The following ST13 variants were observed in gnomAD, a reference collection of about 807,000 sequenced individuals.
ST13 encodes ST13 Hsp70 interacting protein.
ST13 carries 23 observed loss-of-function variants against 56.7 expected under a neutral mutation model. The observed-to-expected ratio is 0.41, with a 90% CI of 0.29 to 0.57. ST13 has a LOEUF of 0.57. Ranked by LOEUF, ST13 falls within the 20% of genes least tolerant of loss-of-function variation. The pLI is 0.36. For synonymous variants in ST13, 132 were observed against 142.4 expected (o/e 0.93, Z 0.52); for missense variants, 369 against 459.9 (o/e 0.80, Z 1.81).
rs138205853 is a variant in ST13 at position 40,842,429 on chromosome 22, G to A, written c.316-1737C>T. On this transcript the variant is annotated intron_variant, in intron 4 of 11. Transcript: ENST00000216218. Reference sequence around the variant, plus strand: ...TTTAATAAAAGTAAATTCTGAAAATGAGTAAAGAGCAAAAGACTTACAAAT... The same window carrying A: ...TTTAATAAAAGTAAATTCTGAAAATAAGTAAAGAGCAAAAGACTTACAAAT... Among the ~76,000 whole-genome samples, 221 of 152,286 alleles carry A rather than the reference G, an allele frequency of 1.5e-3. 1 individual carries two copies. Among genetic ancestry groups the A allele is most frequent in the Non-Finnish European group, 2.2e-3 (152 of 68,026 alleles).
At chr22:40,842,587 CAA>C (rs1457978613) in intron 4 of ST13, among the ~76,000 whole-genome samples, 1 of 152,130 alleles carries the variant, frequency 6.6e-6, no homozygotes, top group East Asian at 1.9e-4. Flanking sequence ...AACTTAATAA[CAA>C]AAGTCTAACA....
At chr22:40,837,189 G>T (rs2057781608) in intron 5 of ST13, among the ~76,000 whole-genome samples, 1 of 152,174 alleles carries the variant, frequency 6.6e-6, no homozygotes, top group South Asian at 2.1e-4. Flanking sequence ...GACTTGAAAA[G>T]AACTCACAAA....
At chr22:40,853,893 T>G (rs1040355122) in intron 1 of ST13, among the ~76,000 whole-genome samples, 4 of 152,142 alleles carry the variant, frequency 2.6e-5, no homozygotes, top group African/African-American at 9.7e-5. Context: ...GGAGAATGCT[T>G]CTGTCTCTAA....
At position 40,830,975 on chromosome 22, in the gene ST13, G is replaced by A. The variant is rs758482124; in HGVS notation, c.682-19C>T. ...TCTGTGCCTAGAAAAAAGAGCCATA[G>A]CAAAATAAGCTTGCTCCAAAAGCTG... On this transcript the variant is annotated intron_variant, in intron 8 of 11. Transcript: ENST00000216218. 1.0e-5 allele frequency: 16 copies of A among 1,526,438 alleles called. No individual in the cohort carries two copies. The highest frequency in any genetic ancestry group is 1.4e-5 in the African/African-American group (1 of 73,358). 94.6% of individuals were successfully genotyped at this position (1,526,438 alleles called of 1,614,324 possible).
At chr22:40,832,186 T>A (rs1295639235) in intron 8 of ST13, 1 of 472,232 alleles carries the variant, frequency 2.1e-6, no homozygotes, top group South Asian at 1.5e-5. Context: ...TTCCACAAGG[T>A]CTTCTTGCTT....
chr22:40,844,960 G>T, intron 3 of ST13, 51 bp from the exon 4 acceptor site: 2 of 1,313,838 alleles, frequency 1.5e-6, no homozygotes, highest in Non-Finnish European at 2.1e-6. Flanking sequence ...CAATATAGTA[G>T]CCACTCCCAA....
At chr22:40,837,940 C>T (rs1165157431) in intron 5 of ST13, among the ~76,000 whole-genome samples, 6 of 152,160 alleles carry the variant, frequency 3.9e-5, no homozygotes, top group Non-Finnish European at 7.4e-5. Context: ...TGAACCACCA[C>T]GCCCACTCAA....
At chr22:40,829,417 T>G (rs1015472242) in intron 10 of ST13, among the ~76,000 whole-genome samples, 7 of 152,194 alleles carry the variant, frequency 4.6e-5, no homozygotes, top group African/African-American at 1.7e-4. Flanking sequence ...CTGATCACAT[T>G]TGAAAGAAAA....
chr22:40,856,392 C>G (rs755005385), intron 1 of ST13, 39 bp downstream of exon 1: 2 of 1,555,200 alleles, frequency 1.3e-6, no homozygotes, highest in Non-Finnish European at 1.8e-6. Context: ...TGGGGCCGTG[C>G]TTCCCCCGCC....
chr22:40,841,546 G>A (rs1039903669), intron 4 of ST13, among the ~76,000 whole-genome samples: 4 of 151,270 alleles, frequency 2.6e-5, no homozygotes, highest in Non-Finnish European at 5.9e-5. Context: ...GACCAACCTG[G>A]GCAATATGGC....
intron 4 of ST13, among the ~76,000 whole-genome samples, chr22:40,843,507 A>G (rs2057814894): frequency 6.6e-6 from 1 of 152,238 alleles, no homozygotes; most frequent in Admixed American, 6.5e-5. Flanking sequence ...CAATATTCAG[A>G]AACAGTGTAT....
chr22:40,839,270 C>T (rs890354259), intron 5 of ST13, among the ~76,000 whole-genome samples: 1 of 152,150 alleles, frequency 6.6e-6, no homozygotes, highest in Non-Finnish European at 1.5e-5. Context: ...TGAACTCATT[C>T]TAAAAATAAC....
rs756415458 is a variant in ST13, at chr22:40,830,791, A to G, written c.798+49T>C. 6.5e-6 allele frequency: 8 copies of G among 1,229,098 alleles called. No individual in the cohort carries two copies. In the Admixed American group the frequency reaches 1.5e-4, roughly 23 times the overall value. The allele number at this position is 1,229,098 out of a possible 1,614,324, so 76.1% of individuals were successfully genotyped here. On this transcript the variant is annotated intron_variant, in intron 9 of 11. Transcript: ENST00000216218. ...AAAATTTTAGTGTCCTAATGCCTCT[A>G]CATAATTTGCCGTATTTTCCTTTCA...
intron 1 of ST13, among the ~76,000 whole-genome samples, chr22:40,854,069 C>T (rs1226781714): frequency 6.6e-6 from 1 of 152,208 alleles, no homozygotes; most frequent in Admixed American, 6.5e-5. Context: ...ATAAACAATG[C>T]TAGCAATTAT....
At chr22:40,830,792 C>T (rs933803870) in intron 9 of ST13, 48 bp downstream of exon 9, 1 of 1,251,230 alleles carries the variant, frequency 8.0e-7, no homozygotes, top group Admixed American at 1.9e-5. Flanking sequence ...AATGCCTCTA[C>T]ATAATTTGCC....
Position 40,850,843 on chromosome 22 carries a change from T to C in ST13, c.148A>G (p.Lys50Glu). 6.2e-7 allele frequency: 1 copy of C among 1,605,824 alleles called. No homozygotes were observed. The highest frequency in any genetic ancestry group is 2.2e-5 in the East Asian group (1 of 44,712). ...GKVPPATQKA[K>E]SEENTKEEKP... is the part of the protein sequence containing the mutation. ...CTTACCTTGGTATTTTCTTCTGATT[T>C]AGCTTTCTGAGTAGCAGGTGGTACT... The change falls in exon 2 of 12, where the codon AAA becomes GAA. Residue 50 changes from lysine to glutamate, a missense_variant. By Grantham distance (56) the Lys-to-Glu change is moderately conservative (BLOSUM62 1). Around this residue, in one of 3 missense-constraint regions of ST13, gnomAD observed 169 missense variants for 175.6 expected, o/e 0.96. Transcript: ENST00000216218.
intron 3 of ST13, among the ~76,000 whole-genome samples, chr22:40,847,723 T>C (rs1022873451): frequency 6.6e-6 from 1 of 152,086 alleles, no homozygotes; most frequent in Non-Finnish European, 1.5e-5. Flanking sequence ...GGAGTTTGAA[T>C]GCTATTAAAA....
At chr22:40,829,496 T>G in intron 10 of ST13, 130 bp downstream of exon 10, 1 of 418,280 alleles carries the variant, frequency 2.4e-6, no homozygotes. Flanking sequence ...TTCTTTTACC[T>G]AGGTTCTTCA....
chr22:40,844,411 T>C (rs1218331649), intron 4 of ST13, among the ~76,000 whole-genome samples: 1 of 152,192 alleles, frequency 6.6e-6, no homozygotes, highest in African/African-American at 2.4e-5. Flanking sequence ...TACATATTAA[T>C]ATTCTATGAG....
Sources: allele counts gnomAD v4.1 joint callset (sites outside exome capture counted in the v4.1 genomes callset), GRCh38; gene constraint gnomAD v4.1.1; regional missense constraint gnomAD v4.1.1; transcripts MANE v1.5; gene names NCBI Gene and HGNC (gene_info 2026-07-23, HGNC 2026-07-21).